The following MAP3K13 variants were observed in gnomAD, a reference collection of about 807,000 sequenced individuals.
MAP3K13 encodes the protein mitogen-activated protein kinase kinase kinase 13.
A neutral mutation model predicts 104.0 loss-of-function variants in MAP3K13; 52 were observed. That is an observed-to-expected ratio of 0.50 (90% CI 0.40 to 0.63). The LOEUF is 0.63. MAP3K13 is among the 20% of genes least tolerant of loss of function. The pLI is 0.00. For missense variants in MAP3K13, 914 were observed against 1,218.5 expected (o/e 0.75, Z 3.72); for synonymous variants, 394 against 442.2 (o/e 0.89, Z 1.37).
chr3:185,433,453 G>A (rs546227288), intron 2 of MAP3K13, among the ~76,000 whole-genome samples: 48 of 152,190 alleles, frequency 3.2e-4, no homozygotes, highest in African/African-American at 1.0e-3. Flanking sequence ...CAATTATCTA[G>A]GCCCTTAATT....
chr3:185,477,138 C>T (rs1420647108), intron 11 of MAP3K13, 188 bp from the exon 12 acceptor site: 2 of 686,300 alleles, frequency 2.9e-6, no homozygotes, highest in Admixed American at 4.1e-5. Flanking sequence ...GGCCCGCCAT[C>T]ATAGGTACCC....
intron 2 of MAP3K13, among the ~76,000 whole-genome samples, chr3:185,342,087 C>T (rs866263199): frequency 2.0e-5 from 3 of 152,114 alleles, no homozygotes; most frequent in Admixed American, 6.6e-5. Context: ...ACCAAGGCCT[C>T]CTGCAAACAG....
At chr3:185,455,716 G>GATATATATATGATATATATATGAGAT (rs375658483) in intron 7 of MAP3K13, among the ~76,000 whole-genome samples, 138 of 10,908 alleles carry the variant, frequency 0.013, 17 homozygotes, top group East Asian at 0.031. Flanking sequence ...ATATATATGA[G>GATATATATATGATATATATATGAGAT]ATATATATGA....
chr3:185,316,264 G>A (rs1721669550), intron 2 of MAP3K13, among the ~76,000 whole-genome samples: 1 of 152,120 alleles, frequency 6.6e-6, no homozygotes, highest in Admixed American at 6.5e-5. Context: ...TTTAAAGAAA[G>A]TGTTTGGGAA....
At chr3:185,456,295 C>T (rs1303130370) in intron 7 of MAP3K13, among the ~76,000 whole-genome samples, 2 of 152,082 alleles carry the variant, frequency 1.3e-5, no homozygotes, top group Non-Finnish European at 2.9e-5. Flanking sequence ...TTGTTTGTTA[C>T]TATTTCTAAG....
At chr3:185,380,233 C>G (rs1724642884) in intron 1 of MAP3K13, among the ~76,000 whole-genome samples, 1 of 151,744 alleles carries the variant, frequency 6.6e-6, no homozygotes, top group Non-Finnish European at 1.5e-5. Flanking sequence ...CATTCTCAGG[C>G]CGGGCGTGGT....
intron 2 of MAP3K13, among the ~76,000 whole-genome samples, chr3:185,357,459 AAAAAAAAAG>A (rs1215792294): frequency 6.6e-5 from 10 of 151,302 alleles, no homozygotes; most frequent in South Asian, 2.1e-4. Context: ...AAAAAAAAAA[AAAAAAAAAG>A]AAAAAAAGAA....
At chr3:185,356,633 A>C (rs1181425446) in intron 2 of MAP3K13, among the ~76,000 whole-genome samples, 1 of 152,160 alleles carries the variant, frequency 6.6e-6, no homozygotes, top group East Asian at 1.9e-4. Context: ...CCCAGCCAAT[A>C]GTTGTCAAAC....
upstream of MAP3K13, among the ~76,000 whole-genome samples, chr3:185,358,158 G>A (rs547311885): frequency 6.6e-6 from 1 of 152,318 alleles, no homozygotes; most frequent in South Asian, 2.1e-4. Flanking sequence ...AAGTATGCAT[G>A]TAAATATATA....
At chr3:185,392,598 A>G (rs1231392228) in intron 1 of MAP3K13, among the ~76,000 whole-genome samples, 1 of 152,236 alleles carries the variant, frequency 6.6e-6, no homozygotes, top group African/African-American at 2.4e-5. Flanking sequence ...GAGAAGCAAA[A>G]TCGGCCTAGA....
intron 2 of MAP3K13, among the ~76,000 whole-genome samples, chr3:185,305,808 T>C (rs747522265): frequency 6.6e-6 from 1 of 152,206 alleles, no homozygotes; most frequent in Non-Finnish European, 1.5e-5. Flanking sequence ...AGGATATATG[T>C]GCAGGTTTGT....
intron 4 of MAP3K13, 21 bp from the exon 5 acceptor site, chr3:185,447,768 T>G (rs1715673614): frequency 6.3e-7 from 1 of 1,576,236 alleles, no homozygotes; most frequent in South Asian, 1.2e-5. Context: ...CCAGATGTTT[T>G]CTTTTTATTT....
At chr3:185,314,892 C>T (rs921777319) in intron 2 of MAP3K13, among the ~76,000 whole-genome samples, 3 of 152,154 alleles carry the variant, frequency 2.0e-5, no homozygotes, top group African/African-American at 4.8e-5. Flanking sequence ...CCTCCCATCT[C>T]GGCCTCCCAT....
At chr3:185,336,541 C>CAA (rs1357841912) in intron 2 of MAP3K13, among the ~76,000 whole-genome samples, 7 of 77,886 alleles carry the variant, frequency 9.0e-5, no homozygotes, top group Admixed American at 2.8e-4. Flanking sequence ...GACTCTGTCT[C>CAA]AAAAAAAAAA....
intron 2 of MAP3K13, among the ~76,000 whole-genome samples, chr3:185,304,726 C>T (rs891414544): frequency 7.2e-5 from 11 of 152,002 alleles, no homozygotes; most frequent in South Asian, 2.1e-4. Context: ...CTCTGCCTCC[C>T]GGGTTCAAGC....
intron 2 of MAP3K13, among the ~76,000 whole-genome samples, chr3:185,300,391 C>T (rs566248598): frequency 6.6e-6 from 1 of 151,962 alleles, no homozygotes; most frequent in African/African-American, 2.4e-5. Context: ...TTTCACTTGT[C>T]TCGAACTCCT....
chr3:185,296,637 T>C (rs1026300307), intron 2 of MAP3K13, among the ~76,000 whole-genome samples: 1 of 152,180 alleles, frequency 6.6e-6, no homozygotes, highest in Non-Finnish European at 1.5e-5. Flanking sequence ...TTATCTCTGA[T>C]TGGCATTCTC....
At chr3:185,368,475 T>C (rs879778758) in intron 1 of MAP3K13, among the ~76,000 whole-genome samples, 4 of 152,140 alleles carry the variant, frequency 2.6e-5, no homozygotes, top group Non-Finnish European at 5.9e-5. Context: ...TTGGGGGTTA[T>C]ATAGGGTTAA....
intron 2 of MAP3K13, among the ~76,000 whole-genome samples, chr3:185,337,996 C>T (rs981462630): frequency 2.0e-5 from 3 of 152,012 alleles, no homozygotes; most frequent in Admixed American, 6.6e-5. Context: ...AAACTATTAT[C>T]TGAAAAATGA....
Sources: allele counts gnomAD v4.1 joint callset (sites outside exome capture counted in the v4.1 genomes callset), GRCh38; gene constraint gnomAD v4.1.1; transcripts MANE v1.5; gene names NCBI Gene and HGNC (gene_info 2026-07-23, HGNC 2026-07-21).